Variants in ACIN1 observed in about 807,000 individuals in gnomAD.
ACIN1 encodes the protein apoptotic chromatin condensation inducer in the nucleus.
Under a neutral mutation model 146.6 loss-of-function variants are expected in ACIN1, and 16 were observed. The ratio of observed to expected loss-of-function variants is 0.11; its 90% CI spans 0.07 to 0.17. The LOEUF is 0.17. Among genes scored for constraint, ACIN1 ranks in the 10% least tolerant of loss-of-function variants. The pLI is 1.00. For synonymous variants in ACIN1, 569 were observed against 582.7 expected (o/e 0.98, Z 0.34); for missense variants, 1,357 against 1,609.3 (o/e 0.84, Z 2.68).
At chr14:23,066,753 A>G (rs1356561948) in intron 9 of ACIN1, among the ~76,000 whole-genome samples, 1 of 152,230 alleles carries the variant, frequency 6.6e-6, no homozygotes, top group Non-Finnish European at 1.5e-5. Flanking sequence ...AGGGAGCTCC[A>G]GCAGAGTCTT....
At chr14:23,075,816 T>C (rs1380957374) in intron 8 of ACIN1, among the ~76,000 whole-genome samples, 2 of 152,088 alleles carry the variant, frequency 1.3e-5, no homozygotes, top group East Asian at 3.9e-4. Context: ...GCGATTCTCC[T>C]GTCTCAGCCT....
At chr14:23,065,669 T>A (rs2047429935) in intron 10 of ACIN1, among the ~76,000 whole-genome samples, 1 of 152,236 alleles carries the variant, frequency 6.6e-6, no homozygotes, top group Admixed American at 6.5e-5. Flanking sequence ...TCATTCCTTG[T>A]TGAGTATTCA....
chr14:23,067,866 G>A lies in ACIN1; in HGVS notation c.2265+1610C>T. 6 of 985,850 alleles carry A rather than the reference G, an allele frequency of 6.1e-6. No homozygotes were observed. The highest frequency in any genetic ancestry group is 1.1e-4 in the East Asian group (1 of 8,808). 61.1% of individuals were successfully genotyped at this position (985,850 alleles called of 1,614,324 possible). ...ATGGAGCCTCTGATGAAGGTAGCCTGGGGGTAGGTGAATACCCCAGGACCT... is the reference window on the plus strand; with the variant it reads ...ATGGAGCCTCTGATGAAGGTAGCCTAGGGGTAGGTGAATACCCCAGGACCT... On this transcript the variant is annotated intron_variant, in intron 9 of 18. Transcript: ENST00000605057. The surrounding 1 kb of genome is among the most constrained non-coding windows in gnomAD (Gnocchi z 4.6).
chr14:23,090,325 C>T (rs1297048354), intron 3 of ACIN1, among the ~76,000 whole-genome samples, 197 bp downstream of exon 3: 2 of 152,224 alleles, frequency 1.3e-5, no homozygotes, highest in Non-Finnish European at 2.9e-5. Flanking sequence ...CCTCTTCTAA[C>T]AAGACAGTCA....
At chr14:23,061,801 G>A (rs540665199) in intron 16 of ACIN1, among the ~76,000 whole-genome samples, 179 bp from the exon 17 acceptor site, 6 of 151,876 alleles carry the variant, frequency 4.0e-5, no homozygotes, top group Non-Finnish European at 8.8e-5. Context: ...GTGAAACCCC[G>A]TCTCTACTGA....
At chr14:23,060,978 A>G (rs1298905830) in intron 18 of ACIN1, 106 bp downstream of exon 18, 2 of 1,047,040 alleles carry the variant, frequency 1.9e-6, no homozygotes, top group Non-Finnish European at 2.9e-6. Context: ...TCCTAAACCT[A>G]GGAAGTACTT....
chr14:23,078,788 T>G (rs2047866556), intron 7 of ACIN1, 32 bp downstream of exon 7: 2 of 1,598,056 alleles, frequency 1.3e-6, no homozygotes, highest in Non-Finnish European at 1.7e-6. Flanking sequence ...TAATCCTCCA[T>G]CTCTGTGTAG....
intron 8 of ACIN1, among the ~76,000 whole-genome samples, chr14:23,076,041 G>A (rs996813187): frequency 6.6e-6 from 1 of 152,056 alleles, no homozygotes; most frequent in African/African-American, 2.4e-5. Flanking sequence ...TGTTGATTAC[G>A]CTTTCAAAAT....
intron 12 of ACIN1, 99 bp downstream of exon 12, chr14:23,064,006 G>C: frequency 6.6e-7 from 1 of 1,516,512 alleles, no homozygotes; most frequent in Non-Finnish European, 9.0e-7. Context: ...TGCACAGACA[G>C]GGAAGTTCCC....
intron 8 of ACIN1, among the ~76,000 whole-genome samples, chr14:23,074,972 G>T (rs1002275478): frequency 1.3e-5 from 2 of 152,192 alleles, no homozygotes; most frequent in African/African-American, 4.8e-5. Flanking sequence ...CTGGTCCCAA[G>T]ATAACCTAGA....
chr14:23,094,898 T>C (rs2048335189), intron 1 of ACIN1, 77 bp downstream of exon 1: 8 of 1,499,434 alleles, frequency 5.3e-6, no homozygotes, highest in Admixed American at 2.2e-5. Flanking sequence ...GCCCGGATAC[T>C]GCGCCTGCGC....
Position 23,095,109 on chromosome 14 carries a change from C to T in ACIN1, c.4G>A (p.Ala2Thr). The change falls in exon 1 of 19, where the codon GCG becomes ACG. Residue 2 changes from alanine to threonine, a missense_variant. By Grantham distance (58) the Ala-to-Thr change is moderately conservative. This residue lies in a region of ACIN1 where 22 missense variants were observed against 19.1 expected (regional missense o/e 1.15). Transcript: ENST00000605057. M[A>T]ELEEVTLDGK... ...TCCAGAGTCACCTCCTCCAGCTCCG[C>T]CATCTTGCGTGAGGTACTCGGGTCC... is the stretch of plus-strand genomic sequence containing the variant. 1 of 1,614,250 alleles carries T rather than the reference C, an allele frequency of 6.2e-7. No individual in the cohort carries two copies. The highest frequency in any genetic ancestry group is 8.5e-7 in the Non-Finnish European group (1 of 1,180,048).
intron 4 of ACIN1, among the ~76,000 whole-genome samples, chr14:23,085,707 T>G (rs1230593165): frequency 2.6e-5 from 4 of 152,162 alleles, no homozygotes; most frequent in Non-Finnish European, 5.9e-5. Context: ...TGGAAAGAGC[T>G]GATGTGATGC....
intron 4 of ACIN1, 131 bp from the exon 5 acceptor site, chr14:23,081,967 C>G (rs2047954646): frequency 1.6e-6 from 1 of 642,860 alleles, no homozygotes; most frequent in Non-Finnish European, 2.6e-6. Flanking sequence ...GTATCGGTTT[C>G]TTTGACTTCT....
chr14:23,069,652 G>GGGGGGGGGGGGGGGGGC, intron 8 of ACIN1, 35 bp from the exon 9 acceptor site: 3 of 577,968 alleles, frequency 5.2e-6, no homozygotes, highest in Non-Finnish European at 1.0e-5. Flanking sequence ...GGGGGGGCGG[G>GGGGGGGGGGGGGGGGGC]CAGAAAAGAA....
At chr14:23,064,987 T>C (rs1594747432) in intron 10 of ACIN1, among the ~76,000 whole-genome samples, 1 of 150,006 alleles carries the variant, frequency 6.7e-6, no homozygotes, top group Non-Finnish European at 1.5e-5. Context: ...AAGGGAGGGG[T>C]AGCTAGTTTG....
At chr14:23,059,815 G>A (rs536269343) in intron 18 of ACIN1, among the ~76,000 whole-genome samples, 3 of 151,448 alleles carry the variant, frequency 2.0e-5, no homozygotes, top group African/African-American at 4.9e-5. Flanking sequence ...GACCACGCCC[G>A]GCTAATTTTT....
At chr14:23,085,383 T>C (rs1386104075) in intron 4 of ACIN1, among the ~76,000 whole-genome samples, 2 of 152,136 alleles carry the variant, frequency 1.3e-5, no homozygotes, top group Non-Finnish European at 2.9e-5. Context: ...AATAACTGAG[T>C]TGCAATTTTA....
At position 23,061,483 on chromosome 14, in the gene ACIN1, T is replaced by C; in HGVS notation, c.3239A>G (p.Gln1080Arg). ...PQHPRAEQRE[Q>R]ERAVREQWAE... ...CCACTGTTCCCGCACTGCCCGTTCCTGCTCCCGCTGCTCTGCCCGGGGGTG... is the reference window on the plus strand; with the variant it reads ...CCACTGTTCCCGCACTGCCCGTTCCCGCTCCCGCTGCTCTGCCCGGGGGTG... Residue 1080 changes from glutamine to arginine, a missense_variant, in exon 17 of 19, where the codon CAG becomes CGG. Gln to Arg is a conservative substitution (Grantham distance 43). Coordinates refer to ENST00000605057, the MANE Select transcript of ACIN1 (RefSeq NM_001386863.1). 7.3e-7 allele frequency: 1 copy of C among 1,361,624 alleles called. No individual in the cohort carries two copies. The allele number at this position is 1,361,624 out of a possible 1,614,324, so 84.3% of individuals were successfully genotyped here. A position where few individuals can be genotyped will look rare whatever the true frequency, so the allele number is the denominator to read the frequency against.
Sources: gnomAD v4.1 joint callset for allele counts (sites outside exome capture counted in the v4.1 genomes callset) on GRCh38, gnomAD v4.1.1 for gene constraint, gnomAD v4.1.1 regional missense constraint, Gnocchi (gnomAD v3.1) non-coding constraint, MANE v1.5 for transcripts, NCBI Gene and HGNC (gene_info 2026-07-23, HGNC 2026-07-21) for gene names.